FLOT1: variants seen among roughly 807,000 people sequenced by gnomAD.
The protein encoded by FLOT1 is flotillin-1.
In FLOT1, 40 loss-of-function variants were observed where a neutral mutation model predicts 58.4. That is an observed-to-expected ratio of 0.69 (90% CI 0.53 to 0.89). The LOEUF (loss-of-function observed/expected upper bound fraction) is 0.89, where lower values mean the gene tolerates loss of function less well. Ranked by LOEUF, FLOT1 falls within the 40% of genes least tolerant of loss-of-function variation. The probability of loss-of-function intolerance (pLI) is 0.00; values close to 1 mark genes in which losing one functional copy is unlikely to be tolerated. For missense variants in FLOT1, 423 were observed against 540.8 expected (o/e 0.78, Z 2.16); for synonymous variants, 178 against 204.2 (o/e 0.87, Z 1.09).
chr6:30,733,193 G>A (rs944568310), intron 8 of FLOT1, among the ~76,000 whole-genome samples: 11 of 151,912 alleles, frequency 7.2e-5, no homozygotes, highest in Admixed American at 2.0e-4. Context: ...CTGCCACCAC[G>A]CTCAGCTAAT....
chr6:30,732,587 C>A (rs190944308), intron 8 of FLOT1, among the ~76,000 whole-genome samples: 1 of 151,844 alleles, frequency 6.6e-6, no homozygotes, highest in South Asian at 2.1e-4. Flanking sequence ...CCTGGGCTCA[C>A]GTGATCCACC....
intron 9 of FLOT1, 49 bp downstream of exon 9, chr6:30,730,870 G>T (rs1777128814): frequency 6.3e-7 from 1 of 1,599,164 alleles, no homozygotes; most frequent in East Asian, 2.2e-5. Context: ...CCATCTTGGG[G>T]TGCCTAGGTG....
At position 30,728,163 on chromosome 6, in the gene FLOT1, G is replaced by A; in HGVS notation, c.1255-18C>T. ...TGATTCACCTGGCAAAAAGACAACA[G>A]TAGATGACACTTGGGAACATTCGGG... On this transcript the variant is annotated intron_variant, in intron 12 of 12. Coordinates refer to ENST00000376389, the MANE Select transcript of FLOT1 (RefSeq NM_005803.4). The A allele has an allele frequency of 3.1e-6, 5 of 1,612,482 alleles. No individual in the cohort carries two copies. Among genetic ancestry groups the A allele is most frequent in the Non-Finnish European group, 4.2e-6 (5 of 1,179,516 alleles).
In FLOT1 at chr6:30,727,958, C is replaced by T. The variant is rs1010193919; in HGVS notation, c.*158G>A. 1.4e-6 allele frequency: 1 copy of T among 728,710 alleles called. No individual in the cohort carries two copies. The highest frequency in any genetic ancestry group is 2.5e-6 in the Non-Finnish European group (1 of 407,618). The allele number at this position is 728,710 out of a possible 1,614,324, so 45.1% of individuals were successfully genotyped here. On this transcript the variant is annotated 3_prime_UTR_variant, in exon 13 of 13. Coordinates refer to ENST00000376389, the MANE Select transcript of FLOT1 (RefSeq NM_005803.4). ...TGTGAGGTTGGCAAGGGGAGCAACC[C>T]CCTTCAAGACAAGGCACAAACTATT...
At chr6:30,731,662 T>C (rs1350580522) in intron 8 of FLOT1, among the ~76,000 whole-genome samples, 1 of 152,210 alleles carries the variant, frequency 6.6e-6, no homozygotes. Context: ...ATGTTGGCTT[T>C]CTGCTATCTC....
intron 11 of FLOT1, 72 bp downstream of exon 11, chr6:30,730,356 C>A: frequency 1.3e-6 from 2 of 1,525,266 alleles, no homozygotes; most frequent in Middle Eastern, 1.8e-4. Context: ...CTCCCTAAGC[C>A]CCTCACTACA....
In FLOT1 at chr6:30,742,379, G is replaced by A. The variant is rs1324287499; in HGVS notation, c.-15+148C>T. The stretch of plus-strand genomic sequence containing the variant: ...CCCTACAAAATCCTTAAGATCCCCA[G>A]CTACCTCTTCTCCGCCTGCGTATGG... On this transcript the variant is annotated intron_variant, in intron 1 of 12. Transcript: ENST00000376389. The surrounding 1 kb of genome is among the most constrained non-coding windows in gnomAD (Gnocchi z 5.2). 1.8e-5 allele frequency: 11 copies of A among 622,874 alleles called. No individual in the cohort carries two copies. The highest frequency in any genetic ancestry group is 2.9e-5 in the Non-Finnish European group (10 of 343,924). 38.6% of individuals were successfully genotyped at this position (622,874 alleles called of 1,614,324 possible).
chr6:30,740,693 T>A lies in FLOT1; in HGVS notation c.460A>T (p.Ile154Phe). The A allele has an allele frequency of 6.2e-7, 1 of 1,613,066 alleles. No individual in the cohort carries two copies. Among genetic ancestry groups the A allele is most frequent in the African/African-American group, 1.3e-5 (1 of 75,032 alleles). ...CCTAGTTTTACCTGGTCATCGTGAA[T>A]GTCCTTCAGAGTGTAGCTAACCACA... ...ISVVSYTLKDIHDDQDYLHSL... is the reference protein window; with the variant it reads ...ISVVSYTLKDFHDDQDYLHSL... Residue 154 changes from isoleucine to phenylalanine, a missense_variant, in exon 6 of 13, where the codon ATT (isoleucine) becomes TTT (phenylalanine). Ile to Phe is a conservative substitution (Grantham distance 21). Coordinates refer to ENST00000376389, the MANE Select transcript of FLOT1 (RefSeq NM_005803.4).
chr6:30,742,359 C>T lies in FLOT1; in HGVS notation c.-14-156G>A. On this transcript the variant is annotated intron_variant, in intron 1 of 12. Transcript: ENST00000376389. The surrounding 1 kb of genome is among the most constrained non-coding windows in gnomAD (Gnocchi z 5.2). ...ATGGGTCCGCTAAGGCTTTTCCCTA[C>T]AAAATCCTTAAGATCCCCAGCTACC... The T allele has an allele frequency of 1.5e-6, 1 of 646,182 alleles. No homozygotes were observed. Among genetic ancestry groups the T allele is most frequent in the South Asian group, 1.8e-5 (1 of 54,494 alleles). The allele number at this position is 646,182 out of a possible 1,614,324, so 40.0% of individuals were successfully genotyped here. A position where few individuals can be genotyped will look rare whatever the true frequency, so the allele number is the denominator to read the frequency against.
chr6:30,734,812 C>G (rs761961386), intron 8 of FLOT1, among the ~76,000 whole-genome samples: 2 of 152,066 alleles, frequency 1.3e-5, no homozygotes, highest in Non-Finnish European at 2.9e-5. Context: ...CTCTGCCTCC[C>G]GGATTCAAGT....
intron 11 of FLOT1, 92 bp from the exon 12 acceptor site, chr6:30,730,278 T>G (rs1777067278): frequency 6.6e-7 from 1 of 1,521,252 alleles, no homozygotes; most frequent in African/African-American, 1.4e-5. Context: ...CTCGTTCCAC[T>G]GATCATCCTT....
intron 11 of FLOT1, 104 bp from the exon 12 acceptor site, chr6:30,730,290 C>T: frequency 1.3e-6 from 2 of 1,511,184 alleles, no homozygotes; most frequent in South Asian, 1.2e-5. Flanking sequence ...ATCATCCTTC[C>T]TCACTTTGGT....
chr6:30,729,989 G>T (rs1777035068), intron 12 of FLOT1, 33 bp downstream of exon 12: 2 of 1,602,218 alleles, frequency 1.2e-6, no homozygotes. Flanking sequence ...CAGGAACCTA[G>T]CAATTCTCCT....
rs376020569 is a variant in FLOT1 at position 30,730,899 on chromosome 6, G to C, written c.905+20C>G. 81 of 1,606,988 alleles carry C rather than the reference G, an allele frequency of 5.0e-5. No homozygotes were observed. Among genetic ancestry groups the C allele is most frequent in the Non-Finnish European group, 6.6e-5 (78 of 1,175,508 alleles). The stretch of plus-strand genomic sequence containing the variant: ...CTAGGTGGCAAGTGAGCTAGGCAGG[G>C]TCAGGGAGGGGACATTTACTTCTCT... On this transcript the variant is annotated intron_variant, in intron 9 of 12. Coordinates refer to ENST00000376389, the MANE Select transcript of FLOT1 (RefSeq NM_005803.4).
chr6:30,728,244 A>C, intron 12 of FLOT1, 99 bp from the exon 13 acceptor site: 4 of 977,046 alleles, frequency 4.1e-6, no homozygotes, highest in Non-Finnish European at 6.6e-6. Flanking sequence ...CTATAGGCAG[A>C]ACACACACGG....
Position 30,742,352 on chromosome 6 carries a change from T to G in FLOT1, c.-14-149A>C. 1 of 665,508 alleles carries G rather than the reference T, an allele frequency of 1.5e-6. No individual in the cohort carries two copies. Among genetic ancestry groups the G allele is most frequent in the Admixed American group, 2.7e-5 (1 of 37,050 alleles). 41.2% of individuals were successfully genotyped at this position (665,508 alleles called of 1,614,324 possible). ...TACACCCATGGGTCCGCTAAGGCTT[T>G]TCCCTACAAAATCCTTAAGATCCCC... On this transcript the variant is annotated intron_variant, in intron 1 of 12. Coordinates refer to ENST00000376389, the MANE Select transcript of FLOT1 (RefSeq NM_005803.4). This position sits in a 1 kb window ranked among gnomAD's most constrained non-coding sequence, Gnocchi z 5.2.
chr6:30,737,891 C>T lies in FLOT1; in HGVS notation c.723+2267G>A, dbSNP rs778038356. Among the ~76,000 whole-genome samples, 3 of 152,196 alleles carry T rather than the reference C, an allele frequency of 2.0e-5. No homozygotes were observed. Among genetic ancestry groups the T allele is most frequent in the Non-Finnish European group, 4.4e-5 (3 of 68,036 alleles). The stretch of plus-strand genomic sequence containing the variant: ...TATAGCCTCACCTCCAAAATGGTGT[C>T]TAGCACATAGAAGGCACTTAACAGA... On this transcript the variant is annotated intron_variant, in intron 8 of 12. Coordinates refer to ENST00000376389, the MANE Select transcript of FLOT1 (RefSeq NM_005803.4). This position sits in a 1 kb window ranked among gnomAD's most constrained non-coding sequence, Gnocchi z 4.4.
rs773574900 is a variant in FLOT1, at chr6:30,742,262, G to A, written c.-14-59C>T. 5 of 1,454,906 alleles carry A rather than the reference G, an allele frequency of 3.4e-6. No homozygotes were observed. The highest frequency in any genetic ancestry group is 1.7e-5 in the Admixed American group (1 of 59,734). The allele number at this position is 1,454,906 out of a possible 1,614,324, so 90.1% of individuals were successfully genotyped here. ...GGGAAGGCGCGCTGTGGCGTCCACA[G>A]GGGCCCATCCTTTCCCTTTCCCGTC... On this transcript the variant is annotated intron_variant, in intron 1 of 12. Transcript: ENST00000376389. This position sits in a 1 kb window ranked among gnomAD's most constrained non-coding sequence, Gnocchi z 5.2.
At position 30,741,294 on chromosome 6, in the gene FLOT1, C is replaced by A. The variant is rs761767550; in HGVS notation, c.250G>T (p.Ala84Ser). 1.2e-6 allele frequency: 2 copies of A among 1,613,088 alleles called. No homozygotes were observed. The highest frequency in any genetic ancestry group is 2.2e-5 in the South Asian group (2 of 91,082). ...GTCTTCCCCAGGAACATCTGACAGG[C>A]GGCCGCCAACATCTCCTTGTTCTGC... Reference protein sequence around the residue: ...QGQNKEMLAAACQMFLGKTEA... With the variant: ...QGQNKEMLAASCQMFLGKTEA... Residue 84 changes from alanine (A) to serine (S), a missense_variant, in exon 5 of 13, where the codon GCC (alanine) becomes TCC (serine). Physicochemically the swap from Ala to Ser is moderately conservative, Grantham distance 99 (BLOSUM62 1). Around this residue, in one of 6 missense-constraint regions of FLOT1, gnomAD observed 91 missense variants for 118.3 expected, o/e 0.77. Coordinates refer to ENST00000376389, the MANE Select transcript of FLOT1 (RefSeq NM_005803.4). The surrounding 1 kb of genome is among the most constrained non-coding windows in gnomAD (Gnocchi z 5.9).
Sources: gnomAD v4.1 joint callset for allele counts (sites outside exome capture counted in the v4.1 genomes callset) on GRCh38, gnomAD v4.1.1 for gene constraint, gnomAD v4.1.1 regional missense constraint, Gnocchi (gnomAD v3.1) non-coding constraint, MANE v1.5 for transcripts, NCBI Gene and HGNC (gene_info 2026-07-23, HGNC 2026-07-21) for gene names.